TXNIP: variants seen among roughly 807,000 people sequenced by gnomAD.
TXNIP encodes thioredoxin-interacting protein.
Under a neutral mutation model 43.9 loss-of-function variants are expected in TXNIP, and 23 were observed. That is an observed-to-expected ratio of 0.52 (90% CI 0.38 to 0.74). The LOEUF is 0.74. Ranked by LOEUF, TXNIP falls within the 30% of genes least tolerant of loss-of-function variation. TXNIP has a pLI of 0.00. For synonymous variants in TXNIP, 234 were observed against 172.2 expected, an observed-to-expected ratio of 1.36 and a Z score of -2.81; for missense variants, 555 against 485.4, an observed-to-expected ratio of 1.14 and a Z score of -1.35.
At position 145,993,846 on chromosome 1, in the gene TXNIP, C is replaced by A. The variant is rs782324253; in HGVS notation, c.*5G>T. The A allele has an allele frequency of 6.2e-7, 1 of 1,614,144 alleles. No homozygotes were observed. The highest frequency in any genetic ancestry group is 1.1e-5 in the South Asian group (1 of 91,070). On this transcript the variant is annotated 3_prime_UTR_variant, in exon 8 of 8. Transcript: ENST00000582401. ...AGGTAAAGCTGCTTCTTTTCTTCCA[C>A]ATGCTCACTGCACATTGTTGTTGAG...
rs1169551439 is a variant in TXNIP at position 145,992,890 on chromosome 1, A to G, written c.*961T>C. The G allele has an allele frequency of 1.3e-5, 2 of 152,688 alleles. No homozygotes were observed. The highest frequency in any genetic ancestry group is 1.3e-4 in the Admixed American group (2 of 15,280). 9.5% of individuals were successfully genotyped at this position (152,688 alleles called of 1,614,324 possible). On this transcript the variant is annotated 3_prime_UTR_variant, in exon 8 of 8. Coordinates refer to ENST00000582401, the MANE Select transcript of TXNIP (RefSeq NM_006472.6). ...AGGCTGACAGCAGCAACCCTTTCACATGATTTAAGCGTTAGAATTATATAA... is the reference window on the plus strand; with the variant it reads ...AGGCTGACAGCAGCAACCCTTTCACGTGATTTAAGCGTTAGAATTATATAA...
At position 145,992,456 on chromosome 1, in the gene TXNIP, CTTTA is replaced by C. The variant is rs1311815383; in HGVS notation, c.*1391_*1394del. ...GACATTTTTTTTTCCATTAAAAAAA[CTTTA>C]TTTTCATTTTTTACAAAGAATATCC... On this transcript the variant is annotated 3_prime_UTR_variant, in exon 8 of 8. Coordinates refer to ENST00000582401, the MANE Select transcript of TXNIP (RefSeq NM_006472.6). The C allele has an allele frequency of 6.6e-6, 1 of 152,484 alleles. No homozygotes were observed. The highest frequency in any genetic ancestry group is 1.5e-5 in the Non-Finnish European group (1 of 67,992). The allele number at this position is 152,484 out of a possible 1,614,324, so 9.4% of individuals were successfully genotyped here. A position where few individuals can be genotyped will look rare whatever the true frequency, so the allele number is the denominator to read the frequency against.
In TXNIP at chr1:145,996,377, ATTC is replaced by A. The variant is rs1651536557; in HGVS notation, c.-114_-112del. The A allele has an allele frequency of 7.8e-7, 1 of 1,280,508 alleles. No individual in the cohort carries two copies. Among genetic ancestry groups the A allele is most frequent in the Non-Finnish European group, 1.1e-6 (1 of 921,948 alleles). 79.3% of individuals were successfully genotyped at this position (1,280,508 alleles called of 1,614,324 possible). A position where few individuals can be genotyped will look rare whatever the true frequency, so the allele number is the denominator to read the frequency against. On this transcript the variant is annotated 5_prime_UTR_variant, in exon 1 of 8. Transcript: ENST00000582401. Reference sequence around the variant, plus strand: ...TTATTTCACTTTAAGGAATTAAGGTATTCTTAAGCAGTTTGAGCTTAAAAATAA... The same window carrying A: ...TTATTTCACTTTAAGGAATTAAGGTATTAAGCAGTTTGAGCTTAAAAATAA...
At position 145,996,340 on chromosome 1, in the gene TXNIP, C is replaced by T. The variant is rs1418502274; in HGVS notation, c.-74G>A. 1 of 1,516,274 alleles carries T rather than the reference C, an allele frequency of 6.6e-7. No individual in the cohort carries two copies. The highest frequency in any genetic ancestry group is 8.9e-7 in the Non-Finnish European group (1 of 1,123,040). 93.9% of individuals were successfully genotyped at this position (1,516,274 alleles called of 1,614,324 possible). On this transcript the variant is annotated 5_prime_UTR_variant, in exon 1 of 8. Transcript: ENST00000582401. ...AAAAAGCTCCAAATCGAGGAAACCC[C>T]TTTGCAAAAAATTATTTCACTTTAA...
intron 1 of TXNIP, 120 bp from the exon 2 acceptor site, chr1:145,995,596 A>G: frequency 1.1e-6 from 1 of 885,106 alleles, no homozygotes; most frequent in African/African-American, 1.7e-5. Context: ...TTCATCCCAT[A>G]TATATATTTT....
At position 145,996,149 on chromosome 1, in the gene TXNIP, G is replaced by C; in HGVS notation, c.118C>G (p.Arg40Gly). The C allele has an allele frequency of 6.2e-7, 1 of 1,613,940 alleles. No homozygotes were observed. Among genetic ancestry groups the C allele is most frequent in the Middle Eastern group, 1.6e-4 (1 of 6,062 alleles). ...RVIVEVCEVT[R>G]VKAVRILACG... ...GCCAGGATCCTAACGGCTTTGACAC[G>C]AGTAACTTCACACACCTCCACTATC... The change falls in exon 1 of 8, where the codon CGT (arginine) becomes GGT (glycine). Residue 40 changes from arginine to glycine, a missense_variant. Physicochemically the swap from Arg to Gly is moderately radical, Grantham distance 125 (BLOSUM62 -2). Coordinates refer to ENST00000582401, the MANE Select transcript of TXNIP (RefSeq NM_006472.6).
In TXNIP at chr1:145,992,467, T is replaced by G. The variant is rs1474856821; in HGVS notation, c.*1384A>C. On this transcript the variant is annotated 3_prime_UTR_variant, in exon 8 of 8. Transcript: ENST00000582401. ...TTCCATTAAAAAAACTTTATTTTCATTTTTTACAAAGAATATCCCCATCTG... is the reference window on the plus strand; with the variant it reads ...TTCCATTAAAAAAACTTTATTTTCAGTTTTTACAAAGAATATCCCCATCTG... 2.0e-5 allele frequency: 3 copies of G among 152,638 alleles called. No homozygotes were observed. Among genetic ancestry groups the G allele is most frequent in the African/African-American group, 7.2e-5 (3 of 41,442 alleles). 9.5% of individuals were successfully genotyped at this position (152,638 alleles called of 1,614,324 possible).
At chr1:145,995,573 A>C (rs782466580) in intron 1 of TXNIP, 97 bp from the exon 2 acceptor site, 2 of 1,049,532 alleles carry the variant, frequency 1.9e-6, no homozygotes, top group South Asian at 2.5e-5. Context: ...CAAGGTATTG[A>C]AGTACCCCCA....
In TXNIP at chr1:145,994,585, T is replaced by G. The variant is rs377445149; in HGVS notation, c.790A>C (p.Ile264Leu). The change falls in exon 5 of 8, where the codon ATC (isoleucine) becomes CTC (leucine). Residue 264 changes from isoleucine (I) to leucine (L), a missense_variant. Transcript: ENST00000582401. Reference protein sequence around the residue: ...SLRVQKIRPSILGCNILRVEY... With the variant: ...SLRVQKIRPSLLGCNILRVEY... ...ACTCGAAGGATGTTGCAGCCCAGGA[T>G]AGAAGGCCTGATCTTCTGAACCCGA... The G allele has an allele frequency of 1.2e-6, 2 of 1,614,080 alleles. No homozygotes were observed. Among genetic ancestry groups the G allele is most frequent in the Admixed American group, 1.7e-5 (1 of 60,002 alleles).
At chr1:145,994,890 C>G in intron 4 of TXNIP, 39 bp downstream of exon 4, 1 of 1,614,018 alleles carries the variant, frequency 6.2e-7, no homozygotes. Context: ...CCCCTAAACC[C>G]AGTTCCTGTT....
chr1:145,995,521 C>T (rs782317969), intron 1 of TXNIP, 45 bp from the exon 2 acceptor site: 1 of 1,571,682 alleles, frequency 6.4e-7, no homozygotes, highest in Non-Finnish European at 8.8e-7. Flanking sequence ...TGCTGTTACA[C>T]TTAAAATGCA....
chr1:145,995,056 G>C (rs782028234), intron 3 of TXNIP, 25 bp from the exon 4 acceptor site: 16 of 1,613,536 alleles, frequency 9.9e-6, no homozygotes, highest in Non-Finnish European at 1.4e-5. Context: ...ATAAAAAGGT[G>C]TTTTGAGATG....
chr1:145,994,579 C>T lies in TXNIP; in HGVS notation c.796G>A (p.Gly266Ser). The part of the protein sequence containing the change: ...RVQKIRPSIL[G>S]CNILRVEYSL... ...TATTCAACTCGAAGGATGTTGCAGCCCAGGATAGAAGGCCTGATCTTCTGA... is the reference window on the plus strand; with the variant it reads ...TATTCAACTCGAAGGATGTTGCAGCTCAGGATAGAAGGCCTGATCTTCTGA... The change falls in exon 5 of 8, where the codon GGC becomes AGC. Residue 266 changes from glycine (G) to serine (S), a missense_variant. Transcript: ENST00000582401. 6.2e-7 allele frequency: 1 copy of T among 1,614,174 alleles called. No homozygotes were observed. The highest frequency in any genetic ancestry group is 1.1e-5 in the South Asian group (1 of 91,080).
rs1651258932 is a variant in TXNIP at position 145,993,209 on chromosome 1, G to A, written c.*642C>T. 6.9e-6 allele frequency: 1 copy of A among 145,132 alleles called. No individual in the cohort carries two copies. Among genetic ancestry groups the A allele is most frequent in the Non-Finnish European group, 1.5e-5 (1 of 68,038 alleles). The allele number at this position is 145,132 out of a possible 1,614,324, so 9.0% of individuals were successfully genotyped here. A position where few individuals can be genotyped will look rare whatever the true frequency, so the allele number is the denominator to read the frequency against. On this transcript the variant is annotated 3_prime_UTR_variant, in exon 8 of 8. Transcript: ENST00000582401. ...TGGGGCAGTTACTACTGCTTTAAAA[G>A]CCAGGTTAAAGTATACTCTAAGCAA...
In TXNIP at chr1:145,993,596, C is replaced by T; in HGVS notation, c.*255G>A. On this transcript the variant is annotated 3_prime_UTR_variant, in exon 8 of 8. Transcript: ENST00000582401. The stretch of plus-strand genomic sequence containing the variant: ...AGGAGATCTGAGAAAATGGATGGGC[C>T]TGAGTTTTTCTAGTTATTTTTAAAC... The T allele has an allele frequency of 2.5e-6, 1 of 397,014 alleles. No homozygotes were observed. Among genetic ancestry groups the T allele is most frequent in the Non-Finnish European group, 4.5e-6 (1 of 219,868 alleles). The allele number at this position is 397,014 out of a possible 1,614,324, so 24.6% of individuals were successfully genotyped here.
rs782198975 is a variant in TXNIP at position 145,995,186 on chromosome 1, A to C, written c.429T>G (p.Phe143Leu). The stretch of plus-strand genomic sequence containing the variant: ...TGACATCCACCAGATCCACTACTTC[A>C]AAGTTTTTCTTTGTCTCTTGAGTTG... Reference protein sequence around the residue: ...SQPTQETKKNFEVVDLVDVNT... With the variant: ...SQPTQETKKNLEVVDLVDVNT... The change falls in exon 3 of 8, where the codon TTT becomes TTG. Residue 143 changes from phenylalanine to leucine, a missense_variant. By Grantham distance (22) the Phe-to-Leu change is conservative. Transcript: ENST00000582401. 2 of 1,614,154 alleles carry C rather than the reference A, an allele frequency of 1.2e-6. No homozygotes were observed. The highest frequency in any genetic ancestry group is 2.2e-5 in the South Asian group (2 of 91,088).
intron 5 of TXNIP, 42 bp downstream of exon 5, chr1:145,994,502 G>A: frequency 1.2e-6 from 2 of 1,613,436 alleles, no homozygotes; most frequent in Non-Finnish European, 8.5e-7. Flanking sequence ...TGTGGTAACA[G>A]ATGAACAATT....
At chr1:145,995,808 G>A (rs782514793) in intron 1 of TXNIP, 93 of 680,800 alleles carry the variant, frequency 1.4e-4, no homozygotes, top group Non-Finnish European at 2.1e-4. Context: ...ATCCCCTTTA[G>A]GACACAGCAC....
chr1:145,995,762 A>G (rs1390619045), intron 1 of TXNIP: 28 of 612,734 alleles, frequency 4.6e-5, no homozygotes, highest in South Asian at 8.3e-5. Context: ...TTATGCACAC[A>G]TAAGACTTTA....
Sources: gnomAD v4.1 joint callset for allele counts on GRCh38, gnomAD v4.1.1 for gene constraint, MANE v1.5 for transcripts, NCBI Gene and HGNC (gene_info 2026-07-23, HGNC 2026-07-21) for gene names.